Variants in PLEKHO2 observed in about 807,000 individuals in gnomAD.
PLEKHO2 encodes the protein pleckstrin homology domain containing O2, also known as pleckstrin homology domain-containing family O member 2.
In PLEKHO2, 20 loss-of-function variants were observed where a neutral mutation model predicts 32.7. The ratio of observed to expected loss-of-function variants is 0.61; its 90% CI spans 0.43 to 0.89. The LOEUF is 0.89. Ranked by LOEUF, PLEKHO2 falls within the 40% of genes least tolerant of loss-of-function variation. The probability of loss-of-function intolerance (pLI) is 0.00; values close to 1 mark genes in which losing one functional copy is unlikely to be tolerated. For synonymous variants in PLEKHO2, 247 were observed against 246.3 expected, an observed-to-expected ratio of 1.00 and a Z score of -0.03; for missense variants, 568 against 621.2, an observed-to-expected ratio of 0.91 and a Z score of 0.91.
intron 1 of PLEKHO2, among the ~76,000 whole-genome samples, chr15:64,842,890 T>TG (rs2084496034): frequency 6.6e-6 from 1 of 152,182 alleles, no homozygotes; most frequent in African/African-American, 2.4e-5. Context: ...TATATGCCTG[T>TG]GGAATGATTA....
intron 4 of PLEKHO2, among the ~76,000 whole-genome samples, chr15:64,860,949 C>T (rs1297893929): frequency 6.6e-6 from 1 of 152,226 alleles, no homozygotes; most frequent in Non-Finnish European, 1.5e-5. Context: ...GAGTCTGGAC[C>T]TCCCATGTGA....
At chr15:64,845,465 C>T (rs1379776094) in intron 1 of PLEKHO2, among the ~76,000 whole-genome samples, 1 of 151,846 alleles carries the variant, frequency 6.6e-6, no homozygotes, top group Non-Finnish European at 1.5e-5. Context: ...CTTACTGGGG[C>T]ATAGCCAGGC....
intron 5 of PLEKHO2, among the ~76,000 whole-genome samples, chr15:64,863,957 G>A (rs1364734097): frequency 1.3e-5 from 2 of 152,128 alleles, no homozygotes; most frequent in African/African-American, 4.8e-5. Context: ...TGCTCAGGCT[G>A]GTCTCAAACT....
In PLEKHO2 at chr15:64,841,954, G is replaced by T; in HGVS notation, c.-63G>T. On this transcript the variant is annotated 5_prime_UTR_variant, in exon 1 of 6. Coordinates refer to ENST00000323544, the MANE Select transcript of PLEKHO2 (RefSeq NM_025201.5). ...CGCCGCCTGGCCGGGCGTAGACGCG[G>T]TGGCAGAGCCCGCGCGGCGCTGGAA... 8.1e-7 allele frequency: 1 copy of T among 1,241,520 alleles called. No homozygotes were observed. Among genetic ancestry groups the T allele is most frequent in the Non-Finnish European group, 1.0e-6 (1 of 992,198 alleles). 76.9% of individuals were successfully genotyped at this position (1,241,520 alleles called of 1,614,324 possible). A position where few individuals can be genotyped will look rare whatever the true frequency, so the allele number is the denominator to read the frequency against.
chr15:64,861,475 A>G lies in PLEKHO2; in HGVS notation c.385-2A>G. 6.3e-7 allele frequency: 1 copy of G among 1,591,954 alleles called. No individual in the cohort carries two copies. Among genetic ancestry groups the G allele is most frequent in the African/African-American group, 1.3e-5 (1 of 74,710 alleles). The stretch of plus-strand genomic sequence containing the variant: ...GGCTGATCTGGTTCCCCCTCCCTCC[A>G]GGTAAAGGTGGACAAGAGCTGCGCC... On this transcript the variant is annotated splice_acceptor_variant, in intron 4 of 5. Coordinates refer to ENST00000323544, the MANE Select transcript of PLEKHO2 (RefSeq NM_025201.5). LOFTEE classifies it high-confidence loss of function.
chr15:64,855,445 T>C (rs948314741), intron 3 of PLEKHO2, among the ~76,000 whole-genome samples: 2 of 152,154 alleles, frequency 1.3e-5, no homozygotes, highest in African/African-American at 4.8e-5. Flanking sequence ...TGATGCAGCC[T>C]GGGGCAGAGG....
Position 64,865,247 on chromosome 15 carries a change from A to G in PLEKHO2, c.832A>G (p.Ser278Gly). 6.2e-7 allele frequency: 1 copy of G among 1,614,108 alleles called. No individual in the cohort carries two copies. The highest frequency in any genetic ancestry group is 8.5e-7 in the Non-Finnish European group (1 of 1,179,990). Residue 278 changes from serine (S) to glycine (G), a missense_variant, in exon 6 of 6, where the codon AGC (serine) becomes GGC (glycine). Coordinates refer to ENST00000323544, the MANE Select transcript of PLEKHO2 (RefSeq NM_025201.5). ...ACTGAAGGTGAGCTGGGAGAACCCCAGCCCCCAGGAGGCCCCTGCTGCAGA... is the reference window on the plus strand; with the variant it reads ...ACTGAAGGTGAGCTGGGAGAACCCCGGCCCCCAGGAGGCCCCTGCTGCAGA... The part of the protein sequence containing the change: ...DKLKVSWENP[S>G]PQEAPAAESA...
At chr15:64,846,017 C>T (rs1237353301) in intron 1 of PLEKHO2, among the ~76,000 whole-genome samples, 1 of 152,186 alleles carries the variant, frequency 6.6e-6, no homozygotes, top group African/African-American at 2.4e-5. Flanking sequence ...GCTGGTGGTG[C>T]TGTCCTTGCT....
intron 1 of PLEKHO2, among the ~76,000 whole-genome samples, chr15:64,842,704 T>A (rs571581961): frequency 1.1e-4 from 16 of 152,244 alleles, no homozygotes; most frequent in Admixed American, 9.8e-4. Context: ...CTGATCTTAG[T>A]CCCTGCCTTC....
chr15:64,847,391 C>T (rs1453167970), intron 1 of PLEKHO2, among the ~76,000 whole-genome samples: 2 of 152,182 alleles, frequency 1.3e-5, no homozygotes, highest in African/African-American at 4.8e-5. Flanking sequence ...TTCCTTCTAG[C>T]AGCCTCTAGA....
At position 64,859,918 on chromosome 15, in the gene PLEKHO2, C is replaced by A. The variant is rs2084630878; in HGVS notation, c.304C>A (p.Pro102Thr). ...NKVSDIKFQAPTGEEKESWIK... is the reference protein window; with the variant it reads ...NKVSDIKFQATTGEEKESWIK... Reference sequence around the variant, plus strand: ...GGTCAGCGACATCAAATTCCAGGCACCCACCGGGGAGGAGAAGGAATCCTG... The same window carrying A: ...GGTCAGCGACATCAAATTCCAGGCAACCACCGGGGAGGAGAAGGAATCCTG... Residue 102 changes from proline (P) to threonine (T), a missense_variant, in exon 4 of 6, where the codon CCC becomes ACC. Transcript: ENST00000323544. 2 of 1,614,128 alleles carry A rather than the reference C, an allele frequency of 1.2e-6. No individual in the cohort carries two copies. Among genetic ancestry groups the A allele is most frequent in the Non-Finnish European group, 1.7e-6 (2 of 1,180,022 alleles).
intron 2 of PLEKHO2, among the ~76,000 whole-genome samples, chr15:64,849,065 G>A (rs985931810): frequency 7.9e-5 from 6 of 76,034 alleles, no homozygotes; most frequent in African/African-American, 2.9e-4. Flanking sequence ...AACCTCCGCC[G>A]CCTGGTTCAA....
At chr15:64,853,235 T>C (rs889974151) in intron 2 of PLEKHO2, among the ~76,000 whole-genome samples, 3 of 151,508 alleles carry the variant, frequency 2.0e-5, no homozygotes, top group Non-Finnish European at 2.9e-5. Flanking sequence ...GTGTAATGAT[T>C]GAGTGGGGAT....
chr15:64,859,831 T>C lies in PLEKHO2; in HGVS notation c.280-63T>C, dbSNP rs1369331625. 3 of 1,443,490 alleles carry C rather than the reference T, an allele frequency of 2.1e-6. No homozygotes were observed. In the East Asian group the frequency reaches 6.8e-5, roughly 33 times the overall value. 89.4% of individuals were successfully genotyped at this position (1,443,490 alleles called of 1,614,324 possible). On this transcript the variant is annotated intron_variant, in intron 3 of 5. Transcript: ENST00000323544. The stretch of plus-strand genomic sequence containing the variant: ...TTGGGATCTAGGTAAGGAAGCCTCC[T>C]TAAGATGCCAAATGTGAGCTTTGTT...
At position 64,853,045 on chromosome 15, in the gene PLEKHO2, C is replaced by T. The variant is rs575630143; in HGVS notation, c.163-1876C>T. ...TCCCAGCTACTCGGGGGGCTGAGGCCGGAGAATCGCAGGTACCCAGGAGGC... is the reference window on the plus strand; with the variant it reads ...TCCCAGCTACTCGGGGGGCTGAGGCTGGAGAATCGCAGGTACCCAGGAGGC... On this transcript the variant is annotated intron_variant, in intron 2 of 5. Transcript: ENST00000323544. Among the ~76,000 whole-genome samples, 17 of 150,064 alleles carry T rather than the reference C, an allele frequency of 1.1e-4. No individual in the cohort carries two copies. In the Middle Eastern group the frequency reaches 0.011, roughly 93 times the overall value.
chr15:64,847,312 C>G (rs2084529928), intron 1 of PLEKHO2, among the ~76,000 whole-genome samples: 1 of 152,186 alleles, frequency 6.6e-6, no homozygotes, highest in Non-Finnish European at 1.5e-5. Flanking sequence ...AGGCACACCT[C>G]TTTTAACTGG....
At chr15:64,851,497 G>T (rs1000793822) in intron 2 of PLEKHO2, among the ~76,000 whole-genome samples, 1 of 152,198 alleles carries the variant, frequency 6.6e-6, no homozygotes, top group African/African-American at 2.4e-5. Flanking sequence ...GCAATTTCAG[G>T]AACTTAACAC....
Position 64,859,992 on chromosome 15 carries a change from C to T in PLEKHO2, c.378C>T (p.Phe126=), listed in dbSNP as rs761115067. 5.3e-5 allele frequency: 85 copies of T among 1,613,296 alleles called. No homozygotes were observed. The highest frequency in any genetic ancestry group is 1.6e-4 in the Middle Eastern group (1 of 6,082). Residue 126 remains phenylalanine (F), a synonymous_variant, in exon 4 of 6, where the codon TTC becomes TTT. Transcript: ENST00000323544. ...EGINRGKNKA[F]DEVKVDKSCA... The stretch of plus-strand genomic sequence containing the variant: ...TTAACCGAGGCAAAAACAAGGCTTT[C>T]GATGAGGTGCGATGCAGTCTGTGGA...
intron 2 of PLEKHO2, among the ~76,000 whole-genome samples, chr15:64,848,983 CT>C (rs911070234): frequency 1.1e-4 from 16 of 148,316 alleles, no homozygotes; most frequent in Non-Finnish European, 1.1e-4. Flanking sequence ...AAACTTAATT[CT>C]TTTTTTTTTG....
Sources: gnomAD v4.1 joint callset for allele counts (sites outside exome capture counted in the v4.1 genomes callset) on GRCh38, gnomAD v4.1.1 for gene constraint, MANE v1.5 for transcripts, NCBI Gene and HGNC (gene_info 2026-07-23, HGNC 2026-07-21) for gene names.